The following NAV2 variants were observed in gnomAD, a reference collection of about 807,000 sequenced individuals.
NAV2 encodes the protein helicase, APC down-regulated 1.
In NAV2, 54 loss-of-function variants were observed where a neutral mutation model predicts 223.2. That is an observed-to-expected ratio of 0.24 (90% CI 0.19 to 0.30). The LOEUF (loss-of-function observed/expected upper bound fraction) is 0.30, where lower values mean the gene tolerates loss of function less well. Ranked by LOEUF, NAV2 falls within the 10% of genes least tolerant of loss-of-function variation. NAV2 has a pLI of 1.00. For missense variants in NAV2, 2,806 were observed against 3,147.5 expected, an observed-to-expected ratio of 0.89 and a Z score of 2.60; for synonymous variants, 1,279 against 1,239.3, an observed-to-expected ratio of 1.03 and a Z score of -0.67.
chr11:19,959,738 T>C (rs1467846444), intron 10 of NAV2, among the ~76,000 whole-genome samples: 2 of 152,168 alleles, frequency 1.3e-5, no homozygotes, highest in Non-Finnish European at 2.9e-5. Context: ...GTGAGCCCTC[T>C]CCTTAGACAT....
At chr11:19,905,080 CTTTA>C (rs1247959914) in intron 6 of NAV2, among the ~76,000 whole-genome samples, 1 of 152,108 alleles carries the variant, frequency 6.6e-6, no homozygotes, top group East Asian at 1.9e-4. Context: ...CAAAAATGAG[CTTTA>C]TTTTTGAGGG....
At chr11:19,976,365 C>T (rs1001321962) in intron 10 of NAV2, among the ~76,000 whole-genome samples, 7 of 152,146 alleles carry the variant, frequency 4.6e-5, no homozygotes, top group Admixed American at 2.0e-4. Flanking sequence ...GACTCCCACG[C>T]TATCTCTTCT....
intron 1 of NAV2, among the ~76,000 whole-genome samples, chr11:19,489,976 C>T (rs935066968): frequency 7.2e-5 from 11 of 152,080 alleles, no homozygotes; most frequent in Non-Finnish European, 1.5e-4. Flanking sequence ...TCCAGACCAG[C>T]GCAATAAAGT....
At chr11:19,900,203 C>T (rs568172704) in intron 6 of NAV2, among the ~76,000 whole-genome samples, 1 of 139,926 alleles carries the variant, frequency 7.1e-6, no homozygotes, top group African/African-American at 2.5e-5. Context: ...GTTAGACCAC[C>T]TGTTGAGGCT....
At position 20,048,548 on chromosome 11, in the gene NAV2, A is replaced by G. The variant is rs2057688044; in HGVS notation, c.3903-180A>G. ...TGAAGACGGCAGCCTGTGATGCACT[A>G]GTGTCTAGGCCCACTTTATGGCTGA... On this transcript the variant is annotated intron_variant, in intron 14 of 37. Coordinates refer to ENST00000349880, the MANE Select transcript of NAV2 (RefSeq NM_145117.5). 1.3e-5 allele frequency among the ~76,000 whole-genome samples: 2 copies of G among 152,148 alleles called. 1 individual carries two copies. Among genetic ancestry groups the G allele is most frequent in the South Asian group, 4.1e-4 (2 of 4,826 alleles).
At chr11:19,989,922 A>T (rs1313242289) in intron 11 of NAV2, among the ~76,000 whole-genome samples, 1 of 152,116 alleles carries the variant, frequency 6.6e-6, no homozygotes, top group African/African-American at 2.4e-5. Context: ...CCTAATTTTG[A>T]GTTCTTACCA....
chr11:19,614,410 CTCTT>C (rs1192749672), intron 1 of NAV2, among the ~76,000 whole-genome samples: 3 of 152,128 alleles, frequency 2.0e-5, no homozygotes, highest in Admixed American at 6.5e-5. Context: ...CTCTCTCTCT[CTCTT>C]TAATTAATAA....
intron 1 of NAV2, among the ~76,000 whole-genome samples, chr11:19,431,764 T>C (rs1226212899): frequency 1.3e-5 from 2 of 152,206 alleles, no homozygotes; most frequent in African/African-American, 2.4e-5. Flanking sequence ...AGATGAAATA[T>C]AGTAAGCCAA....
chr11:19,849,167 T>G (rs1285646013), intron 3 of NAV2, among the ~76,000 whole-genome samples: 1 of 152,172 alleles, frequency 6.6e-6, no homozygotes, highest in Non-Finnish European at 1.5e-5. Context: ...TTTAAAAGGG[T>G]GCTCGTGGTC....
rs2134484264 is a variant in NAV2, at chr11:19,537,008, A to T, written c.75+185981A>T. Among the ~76,000 whole-genome samples the T allele has an allele frequency of 1.3e-5, 2 of 152,334 alleles. 1 individual carries two copies. The highest frequency in any genetic ancestry group is 6.8e-3 in the Middle Eastern group (2 of 294). On this transcript the variant is annotated intron_variant, in intron 1 of 37. Coordinates refer to the NAV2 transcript ENST00000360655. ...GCAATTATATATGCTTTTGATTAAT[A>T]AAAAATAGAGACATTAATTAGTTGC...
intron 1 of NAV2, among the ~76,000 whole-genome samples, chr11:19,822,662 G>A (rs952342601): frequency 1.3e-5 from 2 of 152,172 alleles, no homozygotes; most frequent in African/African-American, 4.8e-5. Flanking sequence ...AGGCAAGTAG[G>A]TTACTGCAGA....
chr11:19,918,625 T>C (rs1421916501), intron 6 of NAV2, among the ~76,000 whole-genome samples: 2 of 152,248 alleles, frequency 1.3e-5, no homozygotes, highest in Admixed American at 6.5e-5. Flanking sequence ...TTATGATTAG[T>C]ATCATGAATG....
intron 1 of NAV2, among the ~76,000 whole-genome samples, chr11:19,750,095 T>C (rs2053677171): frequency 6.6e-6 from 1 of 152,240 alleles, no homozygotes; most frequent in Admixed American, 6.5e-5. Context: ...ACTTGATTTC[T>C]CTAACGAACC....
chr11:19,667,876 C>T (rs1452612534), intron 1 of NAV2, among the ~76,000 whole-genome samples: 1 of 152,200 alleles, frequency 6.6e-6, no homozygotes, highest in Non-Finnish European at 1.5e-5. Flanking sequence ...TTGTATTCCT[C>T]AAACACCATT....
At chr11:19,404,630 A>T (rs994257192) in intron 1 of NAV2, among the ~76,000 whole-genome samples, 41 of 152,054 alleles carry the variant, frequency 2.7e-4, no homozygotes, top group Non-Finnish European at 2.6e-4. Flanking sequence ...ATTATTTTTT[A>T]AAAAATTAAT....
intron 1 of NAV2, among the ~76,000 whole-genome samples, chr11:19,406,784 C>G (rs1849917076): frequency 6.6e-6 from 1 of 152,168 alleles, no homozygotes; most frequent in African/African-American, 2.4e-5. Flanking sequence ...TGAAACTCAC[C>G]CATGAATGCA....
chr11:20,116,747 C>T (rs1250403194), intron 37 of NAV2, among the ~76,000 whole-genome samples: 1 of 152,176 alleles, frequency 6.6e-6, no homozygotes, highest in Non-Finnish European at 1.5e-5. Context: ...CAGCCACTTC[C>T]ATTACCGAGT....
At chr11:19,885,979 C>T (rs1430392695) in intron 5 of NAV2, among the ~76,000 whole-genome samples, 2 of 152,088 alleles carry the variant, frequency 1.3e-5, no homozygotes, top group African/African-American at 4.8e-5. Context: ...TGAAAATGTT[C>T]ATCTCAGACT....
chr11:20,008,524 C>A (rs908106302), intron 11 of NAV2, among the ~76,000 whole-genome samples: 1 of 152,174 alleles, frequency 6.6e-6, no homozygotes, highest in Non-Finnish European at 1.5e-5. Flanking sequence ...AGCAAACAAG[C>A]ATGCTTGCCA....
Sources: gnomAD v4.1 joint callset for allele counts (sites outside exome capture counted in the v4.1 genomes callset) on GRCh38, gnomAD v4.1.1 for gene constraint, MANE v1.5 for transcripts, NCBI Gene and HGNC (gene_info 2026-07-23, HGNC 2026-07-21) for gene names.